The following SLC26A5 variants were observed in gnomAD, a reference collection of about 807,000 sequenced individuals.
SLC26A5 encodes prestin.
In SLC26A5, 51 loss-of-function variants were observed where a neutral mutation model predicts 81.0. The observed-to-expected ratio is 0.63, with a 90% confidence interval of 0.50 to 0.80. The LOEUF (loss-of-function observed/expected upper bound fraction) is 0.80. Among genes scored for constraint, SLC26A5 ranks in the 30% least tolerant of loss-of-function variants. SLC26A5 has a pLI of 0.00. For synonymous variants in SLC26A5, 325 were observed against 332.8 expected (o/e 0.98, Z 0.25); for missense variants, 771 against 905.8 (o/e 0.85, Z 1.91).
chr7:103,389,187 A>G (rs770791907), intron 13 of SLC26A5, 73 bp from the exon 14 acceptor site: 14 of 1,198,910 alleles, frequency 1.2e-5, no homozygotes, highest in Non-Finnish European at 1.7e-5. Context: ...ACAAGTGTGC[A>G]CACACACACA....
intron 2 of SLC26A5, among the ~76,000 whole-genome samples, chr7:103,432,425 T>C (rs1826149284): frequency 6.6e-6 from 1 of 152,218 alleles, no homozygotes; most frequent in Admixed American, 6.5e-5. Context: ...TCTCATTGGG[T>C]TGATTACAGA....
In SLC26A5 at chr7:103,367,331, G is replaced by A; in HGVS notation, c.2041+9477C>T. On this transcript the variant is annotated intron_variant, in intron 19 of 19. Transcript: ENST00000339444. The surrounding 1 kb of genome is among the most constrained non-coding windows in gnomAD (Gnocchi z 6.1). ...TGTGCCTGAGGACATGATTTGAGCT[G>A]AGATTTTTGGTACTTTCAGGTCATG... 1.5e-6 allele frequency: 2 copies of A among 1,347,556 alleles called. No individual in the cohort carries two copies. The highest frequency in any genetic ancestry group is 3.5e-5 in the Admixed American group (2 of 56,644). 83.5% of individuals were successfully genotyped at this position (1,347,556 alleles called of 1,614,324 possible). A position where few individuals can be genotyped will look rare whatever the true frequency, so the allele number is the denominator to read the frequency against.
intron 8 of SLC26A5, among the ~76,000 whole-genome samples, chr7:103,403,281 T>G (rs1433204196): frequency 6.6e-6 from 1 of 152,224 alleles, no homozygotes; most frequent in African/African-American, 2.4e-5. Context: ...CTAAGTGTTT[T>G]ACTTCCAATT....
At chr7:103,421,636 T>G in intron 2 of SLC26A5, 69 bp from the exon 3 acceptor site, 1 of 1,062,886 alleles carries the variant, frequency 9.4e-7, no homozygotes, top group Non-Finnish European at 1.4e-6. Context: ...TAAGCATCTC[T>G]TCTTTGTGGT....
intron 9 of SLC26A5, among the ~76,000 whole-genome samples, chr7:103,393,669 G>T (rs987323886): frequency 6.6e-6 from 1 of 151,862 alleles, no homozygotes; most frequent in African/African-American, 2.4e-5. Flanking sequence ...TGTCACCTGG[G>T]AATCTTGTGA....
At chr7:103,378,349 G>A (rs1044368879) in intron 17 of SLC26A5, 97 bp downstream of exon 17, 12 of 1,213,920 alleles carry the variant, frequency 9.9e-6, no homozygotes, top group Non-Finnish European at 1.2e-5. Flanking sequence ...TCCTCTTTTA[G>A]TAACTTCGTG....
In SLC26A5 at chr7:103,374,371, T is replaced by C. The variant is rs375753696; in HGVS notation, c.*28A>G. On this transcript the variant is annotated 3_prime_UTR_variant, in exon 20 of 20. Coordinates refer to ENST00000306312, the MANE Select transcript of SLC26A5 (RefSeq NM_198999.3). Reference sequence around the variant, plus strand: ...AATTATGAACTTCATGAGAGGCTTATAACCCCATCCTAGGGTGAGGTCCTC... The same window carrying C: ...AATTATGAACTTCATGAGAGGCTTACAACCCCATCCTAGGGTGAGGTCCTC... 2.0e-3 allele frequency: 3,288 copies of C among 1,611,808 alleles called. 5 individuals are homozygous for C. Among genetic ancestry groups the C allele is most frequent in the Non-Finnish European group, 2.7e-3 (3,137 of 1,179,812 alleles).
In SLC26A5 at chr7:103,410,393, C is replaced by A. The variant is rs368643773; in HGVS notation, c.727G>T (p.Val243Leu). 6.2e-7 allele frequency: 1 copy of A among 1,613,774 alleles called. No homozygotes were observed. Among genetic ancestry groups the A allele is most frequent in the Non-Finnish European group, 8.5e-7 (1 of 1,179,812 alleles). The change falls in exon 7 of 20, where the codon GTG (valine) becomes TTG (leucine). Residue 243 changes from valine (V) to leucine (L), a missense_variant. Physicochemically the swap from Val to Leu is conservative, Grantham distance 32. Transcript: ENST00000306312. ...GGTAGTTTCTTACTTACATACACCACGGAAAAGATTCCACTGTACCGCTTT... is the reference window on the plus strand; with the variant it reads ...GGTAGTTTCTTACTTACATACACCAAGGAAAAGATTCCACTGTACCGCTTT... ...KTKRYSGIFS[V>L]VYSTVAVLQN...
chr7:103,431,349 G>T lies in SLC26A5; in HGVS notation c.-53-9782C>A, dbSNP rs144804399. 1.5e-3 allele frequency among the ~76,000 whole-genome samples: 228 copies of T among 151,290 alleles called. 5 individuals carry two copies. In the East Asian group the frequency reaches 0.039, roughly 26 times the overall value. On this transcript the variant is annotated intron_variant, in intron 2 of 19. Coordinates refer to ENST00000306312, the MANE Select transcript of SLC26A5 (RefSeq NM_198999.3). Reference sequence around the variant, plus strand: ...TTTTTTTTTTTCCTTTCTGAGACAGGTGTCACTCTGTCACCCAGGCTGGAG... The same window carrying T: ...TTTTTTTTTTTCCTTTCTGAGACAGTTGTCACTCTGTCACCCAGGCTGGAG...
At chr7:103,372,396 T>C (rs1391742139), downstream of SLC26A5, among the ~76,000 whole-genome samples, 2 of 152,194 alleles carry the variant, frequency 1.3e-5, no homozygotes, top group African/African-American at 4.8e-5. Context: ...TAACAAGATG[T>C]CAATAAGACA....
At chr7:103,411,635 A>T (rs1824497243) in intron 5 of SLC26A5, 49 bp from the exon 6 acceptor site, 3 of 1,609,112 alleles carry the variant, frequency 1.9e-6, no homozygotes, top group Non-Finnish European at 2.6e-6. Flanking sequence ...AGAGTATCTG[A>T]TATGGTTTTT....
In SLC26A5 at chr7:103,374,213, T is replaced by G. The variant is rs1469612957; in HGVS notation, c.*186A>C. On this transcript the variant is annotated 3_prime_UTR_variant, in exon 20 of 20. Coordinates refer to ENST00000306312, the MANE Select transcript of SLC26A5 (RefSeq NM_198999.3). ...AATGCAGGCAACAGGCCAATTTATC[T>G]TTGAAGTATTCAATTAAAAAAACAC... 2.1e-6 allele frequency: 3 copies of G among 1,399,792 alleles called. No individual in the cohort carries two copies. In the South Asian group the frequency reaches 5.0e-5, roughly 24 times the overall value. 86.7% of individuals were successfully genotyped at this position (1,399,792 alleles called of 1,614,324 possible).
chr7:103,391,772 T>C (rs766206420), intron 10 of SLC26A5, 37 bp from the exon 11 acceptor site: 3 of 1,545,788 alleles, frequency 1.9e-6, no homozygotes, highest in Admixed American at 1.7e-5. Context: ...AAGAGATAGG[T>C]CATTCTTCAG....
intron 19 of SLC26A5, among the ~76,000 whole-genome samples, chr7:103,375,083 TAC>T (rs983772501): frequency 2.1e-5 from 3 of 146,172 alleles, no homozygotes; most frequent in Admixed American, 7.0e-5. Context: ...AATATATATA[TAC>T]ACACACATAT....
intron 4 of SLC26A5, among the ~76,000 whole-genome samples, chr7:103,416,435 C>T (rs1046444208): frequency 2.0e-5 from 3 of 152,232 alleles, no homozygotes; most frequent in African/African-American, 7.2e-5. Flanking sequence ...CCTTTGCTGG[C>T]TCACAGTTCA....
At chr7:103,423,617 C>T in intron 2 of SLC26A5, among the ~76,000 whole-genome samples, 1 of 152,204 alleles carries the variant, frequency 6.6e-6, no homozygotes, top group East Asian at 1.9e-4. Flanking sequence ...TTCATCCCTT[C>T]TGTCCCTTCC....
chr7:103,412,850 C>A (rs552440257), intron 5 of SLC26A5, 152 bp downstream of exon 5: 2 of 646,294 alleles, frequency 3.1e-6, no homozygotes, highest in Non-Finnish European at 5.6e-6. Context: ...CGCACCTGGC[C>A]GAGTGTAGGT....
At chr7:103,398,096 C>A (rs1485919753) in intron 8 of SLC26A5, 82 bp from the exon 9 acceptor site, 59 of 1,019,698 alleles carry the variant, frequency 5.8e-5, no homozygotes, top group Non-Finnish European at 8.4e-5. Flanking sequence ...ATATGTTAGT[C>A]AAGTCAAATC....
intron 2 of SLC26A5, among the ~76,000 whole-genome samples, chr7:103,432,494 G>A (rs889738961): frequency 6.6e-6 from 1 of 152,108 alleles, no homozygotes; most frequent in African/African-American, 2.4e-5. Flanking sequence ...AATACATTAA[G>A]TAGGACATTA....
Sources: allele counts gnomAD v4.1 joint callset (sites outside exome capture counted in the v4.1 genomes callset), GRCh38; gene constraint gnomAD v4.1.1; non-coding constraint Gnocchi (gnomAD v3.1); transcripts MANE v1.5; gene names NCBI Gene and HGNC (gene_info 2026-07-23, HGNC 2026-07-21).